Variants in SPINK5 observed in about 807,000 individuals in gnomAD.
SPINK5 encodes the protein serine peptidase inhibitor Kazal type 5, also known as serine protease inhibitor Kazal-type 5.
In SPINK5, 125 loss-of-function variants were observed where a neutral mutation model predicts 151.8. The observed-to-expected ratio is 0.82, with a 90% CI of 0.71 to 0.96. SPINK5 has a LOEUF of 0.96. SPINK5 is among the 40% of genes least tolerant of loss of function. The pLI, the probability that SPINK5 is intolerant of heterozygous loss-of-function variation, is 0.00. For missense variants in SPINK5, 1,194 were observed against 1,291.9 expected (o/e 0.92, Z 1.16); for synonymous variants, 374 against 395.3 (o/e 0.95, Z 0.64).
chr5:148,134,258 T>C (rs1754645023), intron 32 of SPINK5, among the ~76,000 whole-genome samples: 1 of 152,184 alleles, frequency 6.6e-6, no homozygotes. Context: ...AATTTCTATA[T>C]AATGCCCATA....
chr5:148,118,529 G>A lies in SPINK5; in HGVS notation c.2205G>A (p.Ser735=), dbSNP rs768901845. ...CTGTACGTGATGCTGATGGCAAATC[G>A]TACAACAATCAGTGTACCATGTGTA... ...SDPVRDADGK[S]YNNQCTMCKA... is the part of the protein sequence containing the mutation. The change falls in exon 23 of 33, where the codon TCG becomes TCA. Residue 735 remains serine, a synonymous_variant. Coordinates refer to ENST00000256084, the MANE Select transcript of SPINK5 (RefSeq NM_006846.4). 8 of 1,613,942 alleles carry A rather than the reference G, an allele frequency of 5.0e-6. No individual in the cohort carries two copies. Among genetic ancestry groups the A allele is most frequent in the Admixed American group, 1.7e-5 (1 of 59,996 alleles).
At chr5:148,131,477 C>A (rs557494656) in intron 31 of SPINK5, 88 bp downstream of exon 31, 5 of 1,564,730 alleles carry the variant, frequency 3.2e-6, no homozygotes, top group East Asian at 4.5e-5. Context: ...GATATAAATT[C>A]GAAATGTGTT....
At chr5:148,080,162 T>C (rs1752982970) in intron 4 of SPINK5, among the ~76,000 whole-genome samples, 1 of 151,202 alleles carries the variant, frequency 6.6e-6, no homozygotes, top group African/African-American at 2.4e-5. Context: ...ATAAAAAATG[T>C]GGAAATGAAT....
At chr5:148,067,931 G>T (rs907307460) in intron 2 of SPINK5, among the ~76,000 whole-genome samples, 2 of 152,066 alleles carry the variant, frequency 1.3e-5, no homozygotes, top group African/African-American at 4.8e-5. Flanking sequence ...ACTCTTTTAT[G>T]ATAAGCTTTC....
At chr5:148,079,216 T>C (rs994981010) in intron 4 of SPINK5, among the ~76,000 whole-genome samples, 11 of 150,932 alleles carry the variant, frequency 7.3e-5, no homozygotes, top group African/African-American at 1.5e-4. Flanking sequence ...TATTGAAAAT[T>C]GACCCAAGAA....
chr5:148,079,611 A>G (rs1455536690), intron 4 of SPINK5, among the ~76,000 whole-genome samples: 1 of 151,302 alleles, frequency 6.6e-6, no homozygotes, highest in Non-Finnish European at 1.5e-5. Context: ...CAGAAAATCT[A>G]TTAGTCTAAT....
intron 4 of SPINK5, among the ~76,000 whole-genome samples, chr5:148,074,312 G>A (rs964554892): frequency 1.3e-5 from 2 of 151,542 alleles, no homozygotes; most frequent in Admixed American, 6.6e-5. Context: ...AGTCTTGTTG[G>A]TACTGCCTCC....
At chr5:148,088,746 C>A in intron 6 of SPINK5, 141 bp downstream of exon 6, 2 of 798,630 alleles carry the variant, frequency 2.5e-6, no homozygotes, top group South Asian at 1.6e-5. Flanking sequence ...CCCAGTACTG[C>A]CCACTAATAT....
intron 4 of SPINK5, among the ~76,000 whole-genome samples, chr5:148,079,004 A>C (rs1450178769): frequency 6.6e-6 from 1 of 151,078 alleles, no homozygotes; most frequent in Non-Finnish European, 1.5e-5. Context: ...GAAAAGATCA[A>C]CAAACCTGAC....
rs869206113 is a variant in SPINK5 at position 148,096,718 on chromosome 5, C to CT, written c.882+816dup. ...CAGTATAACTCCATTTTCTTTCTTT[C>CT]TTTCTTTTTTTCTTTTTCTTTTTCT... On this transcript the variant is annotated intron_variant, in intron 10 of 32. Transcript: ENST00000256084. Among the ~76,000 whole-genome samples the CT allele has an allele frequency of 9.4e-3, 1,379 of 146,278 alleles. 28 individuals are homozygous for CT. The highest frequency in any genetic ancestry group is 0.031 in the African/African-American group (1,254 of 39,862).
rs2303061 is a variant in SPINK5 at position 148,100,428 on chromosome 5, C to T, written c.1093-26C>T. 0.51 allele frequency: 791,692 copies of T among 1,563,880 alleles called. 209,947 individuals are homozygous for T. Among genetic ancestry groups the T allele is most frequent in the Admixed American group, 0.66 (39,254 of 59,644 alleles). ...CTTTAAGTAGAAATGAAATATATGG[C>T]CAACTTACTTCTTCTATCTCGGCAG... On this transcript the variant is annotated intron_variant, in intron 12 of 32. Coordinates refer to ENST00000256084, the MANE Select transcript of SPINK5 (RefSeq NM_006846.4).
chr5:148,124,786 A>G lies in SPINK5; in HGVS notation c.2688A>G (p.Arg896=), dbSNP rs202088540. 115 of 1,607,560 alleles carry G rather than the reference A, an allele frequency of 7.2e-5. No individual in the cohort carries two copies. The highest frequency in any genetic ancestry group is 9.3e-5 in the Non-Finnish European group (110 of 1,176,722). The change falls in exon 28 of 33, where the codon AGA becomes AGG. Residue 896 remains arginine (R), a synonymous_variant. Transcript: ENST00000256084. Reference sequence around the variant, plus strand: ...GCAGTGATCGAGAAGCTAATGAAAGAAAAAAGAAAGATGAAGAGAAATCAA... The same window carrying G: ...GCAGTGATCGAGAAGCTAATGAAAGGAAAAAGAAAGATGAAGAGAAATCAA... ...QSIFDREANE[R]KKKDEEKSSS...
intron 11 of SPINK5, among the ~76,000 whole-genome samples, chr5:148,098,219 T>C (rs554302867): frequency 6.6e-6 from 1 of 152,152 alleles, no homozygotes; most frequent in African/African-American, 2.4e-5. Context: ...TGGAATGTCC[T>C]GACAAACATG....
chr5:148,127,380 T>G (rs1038801973), intron 30 of SPINK5, among the ~76,000 whole-genome samples: 1 of 152,182 alleles, frequency 6.6e-6, no homozygotes, highest in Admixed American at 6.5e-5. Flanking sequence ...CATAGTCAGG[T>G]GCCTCAATTC....
intron 4 of SPINK5, among the ~76,000 whole-genome samples, chr5:148,074,514 G>A (rs929660181): frequency 6.6e-6 from 1 of 151,722 alleles, no homozygotes; most frequent in African/African-American, 2.4e-5. Context: ...GTGTGTTTCT[G>A]AGGTCCCTCT....
chr5:148,073,251 A>G (rs949595721), intron 4 of SPINK5, among the ~76,000 whole-genome samples: 2 of 151,934 alleles, frequency 1.3e-5, no homozygotes, highest in African/African-American at 4.8e-5. Context: ...TTAATTACTT[A>G]TAACATCCAT....
intron 32 of SPINK5, among the ~76,000 whole-genome samples, chr5:148,136,042 G>A (rs1754687036): frequency 6.6e-6 from 1 of 152,084 alleles, no homozygotes; most frequent in African/African-American, 2.4e-5. Flanking sequence ...GGGGGAAACT[G>A]TCACTTATTA....
rs562883486 is a variant in SPINK5 at position 148,071,673 on chromosome 5, A to T, written c.210-475A>T. ...CTTACGTAAATTATGTTAGAATAAA[A>T]TTTTTTTTTTTACCTGGAAAGAAGG... On this transcript the variant is annotated intron_variant, in intron 3 of 32. Transcript: ENST00000256084. Among the ~76,000 whole-genome samples, 72 of 62,686 alleles carry T rather than the reference A, an allele frequency of 1.1e-3. 1 individual carries two copies. The highest frequency in any genetic ancestry group is 8.2e-4 in the South Asian group (1 of 1,218). 41.1% of individuals were successfully genotyped at this position (62,686 alleles called of 152,430 possible). A position where few individuals can be genotyped will look rare whatever the true frequency, so the allele number is the denominator to read the frequency against.
chr5:148,069,255 A>G (rs1287862969), intron 2 of SPINK5, among the ~76,000 whole-genome samples: 3 of 151,598 alleles, frequency 2.0e-5, no homozygotes, highest in African/African-American at 7.3e-5. Context: ...ATTTAATATT[A>G]TTTATTAATA....
Sources: gnomAD v4.1 joint callset for allele counts (sites outside exome capture counted in the v4.1 genomes callset) on GRCh38, gnomAD v4.1.1 for gene constraint, MANE v1.5 for transcripts, NCBI Gene and HGNC (gene_info 2026-07-23, HGNC 2026-07-21) for gene names.